The following TUBGCP2 variants were observed in gnomAD, a reference collection of about 807,000 sequenced individuals.
TUBGCP2 encodes gamma-tubulin complex component 2.
Under a neutral mutation model 92.2 loss-of-function variants are expected in TUBGCP2, and 55 were observed. The observed-to-expected ratio is 0.60, with a 90% CI of 0.48 to 0.75. The LOEUF (loss-of-function observed/expected upper bound fraction) is 0.75. Ranked by LOEUF, TUBGCP2 falls within the 30% of genes least tolerant of loss-of-function variation. TUBGCP2 has a pLI of 0.00. For synonymous variants in TUBGCP2, 533 were observed against 505.2 expected, an observed-to-expected ratio of 1.06 and a Z score of -0.74; for missense variants, 1,093 against 1,188.9, an observed-to-expected ratio of 0.92 and a Z score of 1.19.
At chr10:133,303,801 G>C (rs1167104245) in intron 1 of TUBGCP2, among the ~76,000 whole-genome samples, 1 of 152,238 alleles carries the variant, frequency 6.6e-6, no homozygotes, top group Non-Finnish European at 1.5e-5. Flanking sequence ...CTACACGTTT[G>C]AGCTAGGTGA....
At position 133,289,858 on chromosome 10, in the gene TUBGCP2, G is replaced by A; in HGVS notation, c.1326C>T (p.Phe442=). The A allele has an allele frequency of 8.1e-7, 1 of 1,236,012 alleles. No individual in the cohort carries two copies. Among genetic ancestry groups the A allele is most frequent in the South Asian group, 1.4e-5 (1 of 71,884 alleles). 76.6% of individuals were successfully genotyped at this position (1,236,012 alleles called of 1,614,324 possible). A position where few individuals can be genotyped will look rare whatever the true frequency, so the allele number is the denominator to read the frequency against. The change falls in exon 9 of 18, where the codon TTC becomes TTT. Residue 442 remains phenylalanine, a synonymous_variant. Transcript: ENST00000252936. ...YTIVQQQIPS[F]LQKMADKILS... is the part of the protein sequence containing the mutation. The stretch of plus-strand genomic sequence containing the variant: ...GGATCTTGTCCGCCATTTTCTGCAG[G>A]AAGGACGGGATCTGCTGCTGGACGA...
chr10:133,309,177 G>C, upstream of TUBGCP2: 3 of 1,368,830 alleles, frequency 2.2e-6, no homozygotes, highest in South Asian at 1.7e-5. Flanking sequence ...AGCCTGGAGT[G>C]GGAGGGGCCT....
At chr10:133,297,761 A>G (rs541917380) in intron 5 of TUBGCP2, among the ~76,000 whole-genome samples, 191 bp downstream of exon 5, 2 of 152,342 alleles carry the variant, frequency 1.3e-5, no homozygotes, top group African/African-American at 4.8e-5. Flanking sequence ...CTGGGATGGG[A>G]ATATGGAGGC....
At chr10:133,281,219 G>A (rs955790825) in intron 17 of TUBGCP2, 54 bp downstream of exon 17, 24 of 1,588,608 alleles carry the variant, frequency 1.5e-5, no homozygotes, top group Non-Finnish European at 2.0e-5. Flanking sequence ...GCTGGGCAGG[G>A]GCAGGCGCTG....
intron 11 of TUBGCP2, among the ~76,000 whole-genome samples, chr10:133,287,263 C>T (rs1225432015): frequency 2.0e-5 from 3 of 152,242 alleles, no homozygotes; most frequent in Non-Finnish European, 2.9e-5. Flanking sequence ...CCTCAAAAGT[C>T]TCCAACAAAG....
upstream of TUBGCP2, chr10:133,310,448 G>A (rs1409644890): frequency 3.2e-6 from 3 of 948,982 alleles, no homozygotes; most frequent in African/African-American, 5.0e-5. Flanking sequence ...ACAGCTACAG[G>A]TGGTTGTGCC....
At chr10:133,297,016 C>T (rs1002296439) in intron 5 of TUBGCP2, among the ~76,000 whole-genome samples, 1 of 152,224 alleles carries the variant, frequency 6.6e-6, no homozygotes, top group Admixed American at 6.5e-5. Flanking sequence ...AGACCACGCT[C>T]CATGCTGCCT....
Position 133,279,589 on chromosome 10 carries a change from G to T in TUBGCP2, c.*177C>A, listed in dbSNP as rs1846913065. On this transcript the variant is annotated 3_prime_UTR_variant, in exon 18 of 18. Coordinates refer to ENST00000252936, the MANE Select transcript of TUBGCP2 (RefSeq NM_006659.4). ...CCAGGGAGACATCCACCCTGCCTGG[G>T]CAGCTTCTATAAAACGAAACCCAGC... 2.1e-6 allele frequency: 2 copies of T among 941,556 alleles called. No individual in the cohort carries two copies. Among genetic ancestry groups the T allele is most frequent in the Admixed American group, 3.8e-5 (1 of 26,298 alleles). The allele number at this position is 941,556 out of a possible 1,614,324, so 58.3% of individuals were successfully genotyped here.
chr10:133,309,227 C>G, upstream of TUBGCP2: 5 of 987,384 alleles, frequency 5.1e-6, no homozygotes, highest in Non-Finnish European at 6.6e-6. Context: ...ACAGGCGGGA[C>G]CTGAGGTGGT....
upstream of TUBGCP2, chr10:133,309,611 TCCA>T (rs1004542835): frequency 6.3e-6 from 8 of 1,268,650 alleles, no homozygotes; most frequent in African/African-American, 1.2e-4. Flanking sequence ...GGCCGACTCT[TCCA>T]CCACCTAGCC....
At chr10:133,299,313 A>G (rs573501147) in intron 4 of TUBGCP2, 114 bp downstream of exon 4, 4 of 828,726 alleles carry the variant, frequency 4.8e-6, no homozygotes, top group Non-Finnish European at 7.0e-6. Flanking sequence ...AATGACAGAG[A>G]GACATGTCCT....
At chr10:133,293,374 CAGG>C (rs772146424) in intron 6 of TUBGCP2, 136 bp from the exon 7 acceptor site, 528 of 1,247,560 alleles carry the variant, frequency 4.2e-4, no homozygotes, top group Non-Finnish European at 5.4e-4. Flanking sequence ...ACTTTTGCCC[CAGG>C]AGGAGATGAG....
In TUBGCP2 at chr10:133,283,446, C is replaced by T. The variant is rs563529608; in HGVS notation, c.2146-225G>A. Reference sequence around the variant, plus strand: ...AGGCAGAAGACAGGAAGGGAGGCTGCGGCAGCTTCTGGAATTTGGTACCAA... The same window carrying T: ...AGGCAGAAGACAGGAAGGGAGGCTGTGGCAGCTTCTGGAATTTGGTACCAA... On this transcript the variant is annotated intron_variant, in intron 14 of 17. Transcript: ENST00000252936. Among the ~76,000 whole-genome samples, 13 of 152,382 alleles carry T rather than the reference C, an allele frequency of 8.5e-5. No homozygotes were observed. The East Asian group carries it at 2.5e-3, about 29-fold the overall frequency.
chr10:133,283,052 C>T lies in TUBGCP2; in HGVS notation c.2289+26G>A, dbSNP rs776099606. The T allele has an allele frequency of 3.7e-6, 6 of 1,612,824 alleles. No individual in the cohort carries two copies. The African/African-American group carries it at 4.0e-5, about 11-fold the overall frequency. ...GTCTGCCCACCCGCGCCTGCCCACC[C>T]GATGGTGCTACCCACACCCACGCAC... On this transcript the variant is annotated intron_variant, in intron 15 of 17. Coordinates refer to ENST00000252936, the MANE Select transcript of TUBGCP2 (RefSeq NM_006659.4).
upstream of TUBGCP2, chr10:133,308,910 G>T (rs865926353): frequency 7.4e-6 from 9 of 1,209,626 alleles, no homozygotes; most frequent in Non-Finnish European, 9.3e-6. Context: ...CGCGGACGGT[G>T]GCCGACAGGC....
At chr10:133,293,259 C>A in intron 6 of TUBGCP2, 21 bp from the exon 7 acceptor site, 1 of 1,610,932 alleles carries the variant, frequency 6.2e-7, no homozygotes, top group Non-Finnish European at 8.5e-7. Flanking sequence ...AGCTGTCAGA[C>A]TTCCTCAAAA....
chr10:133,306,036 C>T (rs907961879), intron 1 of TUBGCP2, among the ~76,000 whole-genome samples: 1 of 152,212 alleles, frequency 6.6e-6, no homozygotes, highest in African/African-American at 2.4e-5. Flanking sequence ...CACAGAAGGG[C>T]CCATACGTGG....
At chr10:133,284,616 T>A (rs575984620) in intron 13 of TUBGCP2, among the ~76,000 whole-genome samples, 1 of 152,324 alleles carries the variant, frequency 6.6e-6, no homozygotes, top group Admixed American at 6.5e-5. Flanking sequence ...CCTCCTCAGC[T>A]TCCCAAAGTG....
Position 133,292,480 on chromosome 10 carries a change from G to A in TUBGCP2, c.1214+19C>T, listed in dbSNP as rs547240737. 3.7e-5 allele frequency: 56 copies of A among 1,509,804 alleles called. 10 individuals carry two copies. The African/African-American group carries it at 6.1e-4, about 16-fold the overall frequency. 93.5% of individuals were successfully genotyped at this position (1,509,804 alleles called of 1,614,324 possible). A position where few individuals can be genotyped will look rare whatever the true frequency, so the allele number is the denominator to read the frequency against. On this transcript the variant is annotated intron_variant, in intron 8 of 17. Transcript: ENST00000252936. ...TGTCCCCGTGTCCCTCCGTGTCCCC[G>A]TGTCCCGGGGAGCCCTACCTGTATG... is the stretch of plus-strand genomic sequence containing the variant.
Sources: allele counts gnomAD v4.1 joint callset (sites outside exome capture counted in the v4.1 genomes callset), GRCh38; gene constraint gnomAD v4.1.1; transcripts MANE v1.5; gene names NCBI Gene and HGNC (gene_info 2026-07-23, HGNC 2026-07-21).